RPS6KA6: variants seen among roughly 807,000 people sequenced by gnomAD.
The protein encoded by RPS6KA6 is ribosomal protein S6 kinase alpha-6.
A neutral mutation model predicts 65.4 loss-of-function variants in RPS6KA6; 27 were observed. That is an observed-to-expected ratio of 0.41 (90% CI 0.30 to 0.57). The LOEUF (loss-of-function observed/expected upper bound fraction) is 0.57. Ranked by LOEUF, RPS6KA6 falls within the 20% of genes least tolerant of loss-of-function variation. The probability of loss-of-function intolerance (pLI) is 0.24; values close to 1 mark genes in which losing one functional copy is unlikely to be tolerated. For synonymous variants in RPS6KA6, 190 were observed against 184.2 expected (o/e 1.03, Z -0.26); for missense variants, 486 against 555.6 (o/e 0.87, Z 1.26).
chrX:84,162,823 T>C (rs911894805), intron 2 of RPS6KA6, among the ~76,000 whole-genome samples: 44 of 112,284 alleles, frequency 3.9e-4, no homozygotes, highest in Admixed American at 2.0e-3. Context: ...TTAGTCCATA[T>C]GAACTGTAGA....
At chrX:84,066,206 G>GTT (rs1207109128) in intron 20 of RPS6KA6, among the ~76,000 whole-genome samples, 30 of 95,842 alleles carry the variant, frequency 3.1e-4, no homozygotes, top group South Asian at 2.0e-3. Flanking sequence ...GCTAGCTGCA[G>GTT]TTTTTTTTTT....
intron 18 of RPS6KA6, among the ~76,000 whole-genome samples, chrX:84,101,467 A>G (rs775318938): frequency 9.0e-6 from 1 of 110,884 alleles, no homozygotes; most frequent in East Asian, 2.8e-4. Flanking sequence ...ATTTAGATAT[A>G]AATATTATTT....
chrX:84,105,995 C>A, intron 15 of RPS6KA6, 119 bp from the exon 16 acceptor site: 1 of 400,656 alleles, frequency 2.5e-6, no homozygotes, highest in Non-Finnish European at 4.3e-6. Context: ...ACAATACTTA[C>A]CTCATATTAT....
intron 8 of RPS6KA6, among the ~76,000 whole-genome samples, chrX:84,126,049 C>T (rs1243689900): frequency 9.0e-6 from 1 of 110,782 alleles, no homozygotes; most frequent in East Asian, 2.8e-4. Flanking sequence ...AATCAAAATA[C>T]ACAGACTGGA....
At chrX:84,114,724 G>T (rs2034532438) in intron 12 of RPS6KA6, among the ~76,000 whole-genome samples, 1 of 111,843 alleles carries the variant, frequency 8.9e-6, no homozygotes, top group South Asian at 3.8e-4. Context: ...CAAGGCTATA[G>T]TAACTAAAAC....
chrX:84,178,404 A>G (rs2035800381), intron 1 of RPS6KA6, among the ~76,000 whole-genome samples: 1 of 112,184 alleles, frequency 8.9e-6, no homozygotes, highest in Non-Finnish European at 1.9e-5. Context: ...AGGGTCTAAG[A>G]ACAGTCACTT....
intron 2 of RPS6KA6, among the ~76,000 whole-genome samples, chrX:84,161,022 T>C (rs911953759): frequency 9.0e-6 from 1 of 111,032 alleles, no homozygotes; most frequent in Non-Finnish European, 1.9e-5. Context: ...TTCCCTCATC[T>C]ACAAATTGGC....
In RPS6KA6 at chrX:84,059,830, T is replaced by A. The variant is rs186498193; in HGVS notation, c.*4447A>T. The A allele has an allele frequency of 8.9e-6, 1 of 112,059 alleles. No individual in the cohort carries two copies. The highest frequency in any genetic ancestry group is 2.8e-4 in the East Asian group (1 of 3,577). 9.2% of individuals were successfully genotyped at this position (112,059 alleles called of 1,213,427 possible). A position where few individuals can be genotyped will look rare whatever the true frequency, so the allele number is the denominator to read the frequency against. Reference sequence around the variant, plus strand: ...CTTGGCAATTACATATATATATTTATTTATAAGCATTTAGCTAAAATTTAT... The same window carrying A: ...CTTGGCAATTACATATATATATTTAATTATAAGCATTTAGCTAAAATTTAT... On this transcript the variant is annotated 3_prime_UTR_variant, in exon 22 of 22. Coordinates refer to ENST00000262752, the MANE Select transcript of RPS6KA6 (RefSeq NM_014496.5).
chrX:84,073,184 G>C (rs936308130), intron 20 of RPS6KA6, among the ~76,000 whole-genome samples: 2 of 111,457 alleles, frequency 1.8e-5, no homozygotes, highest in Non-Finnish European at 3.8e-5. Context: ...TAAACATATA[G>C]ACCAATGGAA....
intron 18 of RPS6KA6, among the ~76,000 whole-genome samples, chrX:84,099,606 G>A (rs2034222079): frequency 9.0e-6 from 1 of 111,247 alleles, no homozygotes; most frequent in Admixed American, 9.6e-5. Context: ...TTTATAAAAA[G>A]CTACAGACAC....
In RPS6KA6 at chrX:84,059,754, A is replaced by G. The variant is rs779520324; in HGVS notation, c.*4523T>C. 171 of 112,130 alleles carry G rather than the reference A, an allele frequency of 1.5e-3. No homozygotes were observed. The highest frequency in any genetic ancestry group is 5.2e-3 in the African/African-American group (162 of 30,917). The allele number at this position is 112,130 out of a possible 1,213,427, so 9.2% of individuals were successfully genotyped here. ...GAATTACAGCAAAACAGTCATCCAC[A>G]GAAGCTCTATTGTCCAGCGTTTAGA... On this transcript the variant is annotated 3_prime_UTR_variant, in exon 22 of 22. Coordinates refer to ENST00000262752, the MANE Select transcript of RPS6KA6 (RefSeq NM_014496.5).
At chrX:84,102,266 T>C (rs2034273615) in intron 17 of RPS6KA6, 68 bp from the exon 18 acceptor site, 2 of 554,400 alleles carry the variant, frequency 3.6e-6, no homozygotes, top group Admixed American at 5.8e-5. Context: ...TAAAACATTA[T>C]ATCTATATAA....
intron 6 of RPS6KA6, among the ~76,000 whole-genome samples, chrX:84,139,635 C>T (rs1341926049): frequency 8.9e-6 from 1 of 111,760 alleles, no homozygotes; most frequent in Non-Finnish European, 1.9e-5. Context: ...ACATTCTACA[C>T]TGTAAATTCT....
intron 1 of RPS6KA6, among the ~76,000 whole-genome samples, chrX:84,185,600 T>C (rs1265188188): frequency 8.9e-6 from 1 of 111,900 alleles, no homozygotes; most frequent in African/African-American, 3.2e-5. Flanking sequence ...CTCCAAAATA[T>C]ATGGTAGTGT....
At chrX:84,171,776 C>A (rs1315720171) in intron 1 of RPS6KA6, among the ~76,000 whole-genome samples, 4 of 111,249 alleles carry the variant, frequency 3.6e-5, no homozygotes, top group Non-Finnish European at 5.7e-5. Flanking sequence ...AACTCGCCAT[C>A]TAGGTTTTAA....
chrX:84,089,890 T>A (rs1316266730), intron 20 of RPS6KA6, among the ~76,000 whole-genome samples: 1 of 112,418 alleles, frequency 8.9e-6, no homozygotes, highest in African/African-American at 3.2e-5. Context: ...CTACTTATAG[T>A]TGGCCATCTT....
chrX:84,094,308 GAAAAAA>G (rs144397619), intron 20 of RPS6KA6, among the ~76,000 whole-genome samples: 88 of 68,504 alleles, frequency 1.3e-3, no homozygotes, highest in African/African-American at 4.2e-3. Flanking sequence ...GCCTTAAAGG[GAAAAAA>G]AAAAAAAAAA....
chrX:84,064,288 T>C lies in RPS6KA6; in HGVS notation c.2227A>G (p.Thr743Ala), dbSNP rs754877135. The change falls in exon 22 of 22, where the codon ACT becomes GCT. Residue 743 changes from threonine to alanine, a missense_variant. This residue lies in a region of RPS6KA6 where 345 missense variants were observed against 375.0 expected (regional missense o/e 0.92). Coordinates refer to ENST00000262752, the MANE Select transcript of RPS6KA6 (RefSeq NM_014496.5). ...QRRSMKKRTSTGL is the reference protein window; with the variant it reads ...QRRSMKKRTSAGL ...GAACACCACAAATCTTACAGGCCAG[T>C]TGATGTTCGCTTTTTCATGCTCCGT... The C allele has an allele frequency of 8.3e-7, 1 of 1,208,376 alleles. No homozygotes were observed. Among genetic ancestry groups the C allele is most frequent in the Non-Finnish European group, 1.1e-6 (1 of 893,822 alleles).
At chrX:84,138,697 G>A (rs1410435565) in intron 6 of RPS6KA6, among the ~76,000 whole-genome samples, 1 of 111,637 alleles carries the variant, frequency 9.0e-6, no homozygotes, top group Admixed American at 9.5e-5. Context: ...ATTAATTTTA[G>A]AAGAACTGAC....
Sources: allele counts gnomAD v4.1 joint callset (sites outside exome capture counted in the v4.1 genomes callset), GRCh38; gene constraint gnomAD v4.1.1; regional missense constraint gnomAD v4.1.1; transcripts MANE v1.5; gene names NCBI Gene and HGNC (gene_info 2026-07-23, HGNC 2026-07-21).